ARHGAP39: variants seen among roughly 807,000 people sequenced by gnomAD.
ARHGAP39 encodes Rho GTPase activating protein 39.
Under a neutral mutation model 106.9 loss-of-function variants are expected in ARHGAP39, and 44 were observed. That is an observed-to-expected ratio of 0.41 (90% CI 0.32 to 0.53). The LOEUF (loss-of-function observed/expected upper bound fraction) is 0.53. Ranked by LOEUF, ARHGAP39 falls within the 20% of genes least tolerant of loss-of-function variation. ARHGAP39 has a pLI of 0.21. For synonymous variants in ARHGAP39, 768 were observed against 693.2 expected, an observed-to-expected ratio of 1.11 and a Z score of -1.69; for missense variants, 1,496 against 1,577.3, an observed-to-expected ratio of 0.95 and a Z score of 0.87.
rs368110995 is a variant in ARHGAP39, at chr8:144,555,616, C to T, written c.540G>A (p.Glu180=). 104 of 1,613,962 alleles carry T rather than the reference C, an allele frequency of 6.4e-5. 1 individual carries two copies. The South Asian group carries it at 6.9e-4, about 11-fold the overall frequency. Residue 180 remains glutamate, a synonymous_variant, in exon 4 of 12, where the codon GAG becomes GAA. Transcript: ENST00000377307. ...GSSSPPGVFL[E]KDYEIYRDYS... is the part of the protein sequence containing the mutation. ...AATCCCGGTAAATCTCATAGTCCTT[C>T]TCAAGGAACACTCCTGGTGGTGAAG...
chr8:144,687,373 CT>C (rs759372497), upstream of ARHGAP39, among the ~76,000 whole-genome samples: 124 of 2,948 alleles, frequency 0.042, 40 homozygotes, highest in East Asian at 0.29. Context: ...TTTCCCACCC[CT>C]GTGACCACGC....
chr8:144,644,472 C>T lies in ARHGAP39; in HGVS notation c.-81-38777G>A, dbSNP rs753630700. ...TGCTCAACAGGAGGTGATGGCTGCACGACTCTACAAATTTACTAAAAACCA... is the reference window on the plus strand; with the variant it reads ...TGCTCAACAGGAGGTGATGGCTGCATGACTCTACAAATTTACTAAAAACCA... On this transcript the variant is annotated intron_variant, in intron 1 of 11. Coordinates refer to ENST00000377307, the MANE Select transcript of ARHGAP39 (RefSeq NM_025251.3). The surrounding 1 kb of genome is among the most constrained non-coding windows in gnomAD (Gnocchi z 4.8). Among the ~76,000 whole-genome samples, 5 of 152,156 alleles carry T rather than the reference C, an allele frequency of 3.3e-5. No homozygotes were observed. Among genetic ancestry groups the T allele is most frequent in the Middle Eastern group, 3.4e-3 (1 of 294 alleles).
In ARHGAP39 at chr8:144,646,000, C is replaced by G. The variant is rs1469018600; in HGVS notation, c.-82+39686G>C. On this transcript the variant is annotated intron_variant, in intron 1 of 11. Coordinates refer to ENST00000377307, the MANE Select transcript of ARHGAP39 (RefSeq NM_025251.3). The surrounding 1 kb of genome is among the most constrained non-coding windows in gnomAD (Gnocchi z 4.4). ...GGCCCAGCTGGCTCTGTGGCCGAGG[C>G]AGGATAGCTAGAGAAGGTAACCACA... Among the ~76,000 whole-genome samples, 3 of 152,224 alleles carry G rather than the reference C, an allele frequency of 2.0e-5. No homozygotes were observed. The highest frequency in any genetic ancestry group is 2.0e-4 in the Admixed American group (3 of 15,290).
intron 1 of ARHGAP39, among the ~76,000 whole-genome samples, chr8:144,649,014 T>C (rs1821511333): frequency 6.6e-6 from 1 of 152,040 alleles, no homozygotes; most frequent in Non-Finnish European, 1.5e-5. Flanking sequence ...AAAACTGACC[T>C]GAAGGAAATC....
chr8:144,645,039 C>T lies in ARHGAP39; in HGVS notation c.-81-39344G>A, dbSNP rs769094824. 6.6e-6 allele frequency among the ~76,000 whole-genome samples: 1 copy of T among 152,220 alleles called. No homozygotes were observed. Among genetic ancestry groups the T allele is most frequent in the Non-Finnish European group, 1.5e-5 (1 of 68,042 alleles). On this transcript the variant is annotated intron_variant, in intron 1 of 11. Coordinates refer to ENST00000377307, the MANE Select transcript of ARHGAP39 (RefSeq NM_025251.3). The surrounding 1 kb of genome is among the most constrained non-coding windows in gnomAD (Gnocchi z 4.4). ...CTGGGCCACGGCAGAGAGCACATGT[C>T]AACCGCAGTCCCCGTGTTATCCAGG...
At position 144,566,470 on chromosome 8, in the gene ARHGAP39, G is replaced by A. The variant is rs542473727; in HGVS notation, c.513-10827C>T. Among the ~76,000 whole-genome samples, 23 of 152,150 alleles carry A rather than the reference G, an allele frequency of 1.5e-4. 1 individual carries two copies. The South Asian group carries it at 2.7e-3, about 18-fold the overall frequency. On this transcript the variant is annotated intron_variant, in intron 3 of 11. Coordinates refer to ENST00000377307, the MANE Select transcript of ARHGAP39 (RefSeq NM_025251.3). ...TCCCAGGTGCTGAGGTGGGAGGACA[G>A]TTTGAGATTGGGAGGCAAAGTGTGC...
Position 144,585,484 on chromosome 8 carries a change from TC to T in ARHGAP39, c.81-4208del, listed in dbSNP as rs1819148066. 6.6e-6 allele frequency among the ~76,000 whole-genome samples: 1 copy of T among 151,074 alleles called. No homozygotes were observed. On this transcript the variant is annotated intron_variant, in intron 2 of 11. Transcript: ENST00000377307. The surrounding 1 kb of genome is among the most constrained non-coding windows in gnomAD (Gnocchi z 4.6). ...CAGCCAAGGGTTCCCAGCACTGGCT[TC>T]CCCTCGTGCACTCTCTTGCCCTTAG...
rs73716227 is a variant in ARHGAP39 at position 144,569,810 on chromosome 8, C to A, written c.512+11036G>T. On this transcript the variant is annotated intron_variant, in intron 3 of 11. Coordinates refer to ENST00000377307, the MANE Select transcript of ARHGAP39 (RefSeq NM_025251.3). ...CAATTTTCCTTCCATAAAGTTGACACACTTGAAGAGACAGAAACATCAGAA... is the reference window on the plus strand; with the variant it reads ...CAATTTTCCTTCCATAAAGTTGACAAACTTGAAGAGACAGAAACATCAGAA... Among the ~76,000 whole-genome samples the A allele has an allele frequency of 4.3e-3, 661 of 152,312 alleles. 2 individuals carry two copies. Among genetic ancestry groups the A allele is most frequent in the African/African-American group, 0.015 (629 of 41,578 alleles).
intron 2 of ARHGAP39, among the ~76,000 whole-genome samples, chr8:144,599,611 G>C (rs533327311): frequency 6.6e-6 from 1 of 152,114 alleles, no homozygotes; most frequent in East Asian, 1.9e-4. Context: ...ACGTGCGAAT[G>C]GTCTATATGT....
At position 144,581,297 on chromosome 8, in the gene ARHGAP39, A is replaced by AG. The variant is rs2130901051; in HGVS notation, c.81-21dup. On this transcript the variant is annotated intron_variant, in intron 2 of 11. Coordinates refer to ENST00000377307, the MANE Select transcript of ARHGAP39 (RefSeq NM_025251.3). ...TCCAACCTGGGGAGAGACAGGGTTA[A>AG]GGCGGCTGGAGCCACGGCGGCCTGG... 2 of 1,530,624 alleles carry AG rather than the reference A, an allele frequency of 1.3e-6. No homozygotes were observed. Among genetic ancestry groups the AG allele is most frequent in the South Asian group, 2.5e-5 (2 of 81,178 alleles). The allele number at this position is 1,530,624 out of a possible 1,614,324, so 94.8% of individuals were successfully genotyped here. A position where few individuals can be genotyped will look rare whatever the true frequency, so the allele number is the denominator to read the frequency against.
chr8:144,651,098 C>T (rs2129646937), intron 1 of ARHGAP39, among the ~76,000 whole-genome samples: 1 of 152,242 alleles, frequency 6.6e-6, no homozygotes, highest in South Asian at 2.1e-4. Flanking sequence ...ACTAGCATTC[C>T]TATACACCAA....
chr8:144,662,625 T>C (rs1472751768), intron 1 of ARHGAP39, among the ~76,000 whole-genome samples: 4 of 142,808 alleles, frequency 2.8e-5, no homozygotes, highest in Non-Finnish European at 6.1e-5. Context: ...CTTGGGCCGC[T>C]CCCCACTCCC....
rs1817495413 is a variant in ARHGAP39, at chr8:144,547,551, C to T, written c.1535G>A (p.Gly512Asp). The T allele has an allele frequency of 6.8e-7, 1 of 1,473,384 alleles. No individual in the cohort carries two copies. The highest frequency in any genetic ancestry group is 9.0e-7 in the Non-Finnish European group (1 of 1,115,474). 91.3% of individuals were successfully genotyped at this position (1,473,384 alleles called of 1,614,324 possible). A position where few individuals can be genotyped will look rare whatever the true frequency, so the allele number is the denominator to read the frequency against. The part of the protein sequence containing the change: ...CQATSATPTE[G>D]PGDLLVEQPL... ...CTGCTCCACAAGCAGGTCCCCGGGG[C>T]CCTCAGTGGGGGTGGCGCTGGTGGC... is the stretch of plus-strand genomic sequence containing the variant. The change falls in exon 5 of 12, where the codon GGC becomes GAC. Residue 512 changes from glycine (G) to aspartate (D), a missense_variant. By Grantham distance (94) the Gly-to-Asp change is moderately conservative. This residue lies in a region of ARHGAP39 where 905 missense variants were observed against 816.4 expected (regional missense o/e 1.11). Transcript: ENST00000377307. This position sits in a 1 kb window ranked among gnomAD's most constrained non-coding sequence, Gnocchi z 5.2.
rs1822523224 is a variant in ARHGAP39, at chr8:144,684,446, GGAGGCAC to G, written c.-82+1233_-82+1239del. Among the ~76,000 whole-genome samples, 1 of 152,174 alleles carries G rather than the reference GGAGGCAC, an allele frequency of 6.6e-6. No individual in the cohort carries two copies. Among genetic ancestry groups the G allele is most frequent in the African/African-American group, 2.4e-5 (1 of 41,448 alleles). On this transcript the variant is annotated intron_variant, in intron 1 of 11. Transcript: ENST00000377307. The surrounding 1 kb of genome is among the most constrained non-coding windows in gnomAD (Gnocchi z 4.4). Reference sequence around the variant, plus strand: ...GACAAATCTCCGTATTGTTGTACCAGGAGGCACGAGAAGCCTCACCACTGTAGGTTTT... The same window carrying G: ...GACAAATCTCCGTATTGTTGTACCAGGAGAAGCCTCACCACTGTAGGTTTT...
intron 2 of ARHGAP39, among the ~76,000 whole-genome samples, chr8:144,594,291 T>C (rs1249965711): frequency 1.3e-5 from 2 of 152,122 alleles, no homozygotes; most frequent in Admixed American, 1.3e-4. Flanking sequence ...AAAGCCATAA[T>C]AAGTGTTGCT....
intron 1 of ARHGAP39, among the ~76,000 whole-genome samples, chr8:144,618,431 A>T (rs780374152): frequency 2.4e-4 from 36 of 152,214 alleles, no homozygotes; most frequent in Admixed American, 1.1e-3. Flanking sequence ...GTTCGTGGGT[A>T]GTTTAATAGG....
intron 2 of ARHGAP39, among the ~76,000 whole-genome samples, chr8:144,596,554 C>A (rs1819628817): frequency 6.6e-6 from 1 of 152,224 alleles, no homozygotes; most frequent in African/African-American, 2.4e-5. Context: ...TGGGGTGAAT[C>A]CAGACTGGCC....
chr8:144,669,712 A>G (rs1022930401), intron 1 of ARHGAP39, among the ~76,000 whole-genome samples: 1 of 152,220 alleles, frequency 6.6e-6, no homozygotes, highest in African/African-American at 2.4e-5. Context: ...GGGACAGGAT[A>G]TGAATAGACA....
In ARHGAP39 at chr8:144,548,481, G is replaced by A. The variant is rs781252700; in HGVS notation, c.605C>T (p.Ser202Leu). Residue 202 changes from serine (S) to leucine (L), a missense_variant, in exon 5 of 12, where the codon TCG (serine) becomes TTG (leucine). Physicochemically the swap from Ser to Leu is moderately radical, Grantham distance 145. Coordinates refer to ENST00000377307, the MANE Select transcript of ARHGAP39 (RefSeq NM_025251.3). The surrounding 1 kb of genome is among the most constrained non-coding windows in gnomAD (Gnocchi z 7.4). ...DGQLLHYRTSSLRWNSGAKER... is the reference protein window; with the variant it reads ...DGQLLHYRTSLLRWNSGAKER... Reference sequence around the variant, plus strand: ...TTTGGCGCCCGAGTTCCACCGCAGCGAGGAGGTCCTGCGTGGGGGGTGGAC... The same window carrying A: ...TTTGGCGCCCGAGTTCCACCGCAGCAAGGAGGTCCTGCGTGGGGGGTGGAC... 7.5e-6 allele frequency: 12 copies of A among 1,609,128 alleles called. No homozygotes were observed. The highest frequency in any genetic ancestry group is 1.0e-5 in the Non-Finnish European group (12 of 1,179,264).
Sources: gnomAD v4.1 joint callset for allele counts (sites outside exome capture counted in the v4.1 genomes callset) on GRCh38, gnomAD v4.1.1 for gene constraint, gnomAD v4.1.1 regional missense constraint, Gnocchi (gnomAD v3.1) non-coding constraint, MANE v1.5 for transcripts, NCBI Gene and HGNC (gene_info 2026-07-23, HGNC 2026-07-21) for gene names.